The following SETD3 variants were observed in gnomAD, a reference collection of about 807,000 sequenced individuals.
The protein encoded by SETD3 is actin-histidine N-methyltransferase.
In SETD3, 19 loss-of-function variants were observed where a neutral mutation model predicts 63.0. The observed-to-expected ratio is 0.30, with a 90% confidence interval of 0.21 to 0.44. SETD3 has a LOEUF of 0.44. Ranked by LOEUF, SETD3 falls within the 20% of genes least tolerant of loss-of-function variation. SETD3 has a pLI of 1.00. For missense variants in SETD3, 587 were observed against 728.5 expected (o/e 0.81, Z 2.24); for synonymous variants, 286 against 264.1 (o/e 1.08, Z -0.80).
At chr14:99,403,455 ACTCTCTCTCTCTCTCT>A (rs55804663) in intron 11 of SETD3, among the ~76,000 whole-genome samples, 4 of 135,540 alleles carry the variant, frequency 3.0e-5, no homozygotes, top group South Asian at 4.7e-4. Context: ...ACACACACAC[ACTCTCTCTCTCTCTCT>A]CTCTCTCTCT....
intron 11 of SETD3, among the ~76,000 whole-genome samples, chr14:99,403,713 CTGTT>C (rs1160114278): frequency 6.6e-6 from 1 of 152,206 alleles, no homozygotes; most frequent in African/African-American, 2.4e-5. Context: ...TACACAGATT[CTGTT>C]TGCAATGTTA....
upstream of SETD3, among the ~76,000 whole-genome samples, chr14:99,482,978 C>A (rs556652973): frequency 6.6e-6 from 1 of 152,266 alleles, no homozygotes; most frequent in East Asian, 1.9e-4. Context: ...ACAGAGTGAT[C>A]ATATTTTTAA....
At chr14:99,403,077 G>A (rs1235436102) in intron 11 of SETD3, among the ~76,000 whole-genome samples, 4 of 152,160 alleles carry the variant, frequency 2.6e-5, no homozygotes, top group Admixed American at 6.5e-5. Flanking sequence ...TAAATCTAGC[G>A]ACAGGGTTGC....
intron 8 of SETD3, among the ~76,000 whole-genome samples, chr14:99,406,968 G>C (rs778326639): frequency 6.6e-6 from 1 of 152,154 alleles, no homozygotes; most frequent in South Asian, 2.1e-4. Context: ...GTTCACTGAC[G>C]ATCTGCACTA....
chr14:99,467,333 G>A (rs528792987), intron 1 of SETD3, among the ~76,000 whole-genome samples: 3 of 152,246 alleles, frequency 2.0e-5, no homozygotes, highest in South Asian at 4.2e-4. Flanking sequence ...AGTGAGGGGA[G>A]GGCAGGATGA....
chr14:99,403,453 A>ACTCTCT (rs1188702914), intron 11 of SETD3, among the ~76,000 whole-genome samples: 240 of 106,136 alleles, frequency 2.3e-3, no homozygotes, highest in East Asian at 6.8e-3. Flanking sequence ...ACACACACAC[A>ACTCTCT]CACTCTCTCT....
Position 99,463,556 on chromosome 14 carries a change from G to A in SETD3, c.126C>T (p.Gly42=), listed in dbSNP as rs142542243. 7.1e-5 allele frequency: 114 copies of A among 1,613,744 alleles called. No individual in the cohort carries two copies. Among genetic ancestry groups the A allele is most frequent in the Non-Finnish European group, 9.3e-5 (110 of 1,179,914 alleles). The change falls in exon 3 of 13, where the codon GGC becomes GGT. Residue 42 remains glycine (G), a synonymous_variant. Transcript: ENST00000331768. The stretch of plus-strand genomic sequence containing the variant: ...CATACTCTTCCCACTCTTTTCCTGG[G>A]CCAGGCGCCGGACTGCTGCATTCTG... ...LLQKCSSPAP[G]PGKEWEEYVQ...
intron 6 of SETD3, among the ~76,000 whole-genome samples, chr14:99,455,718 A>G (rs988872666): frequency 2.0e-5 from 3 of 152,232 alleles, no homozygotes; most frequent in African/African-American, 7.2e-5. Context: ...TGTTCTGTAT[A>G]TAAATACAAA....
At chr14:99,413,830 T>A in intron 7 of SETD3, 46 bp downstream of exon 7, 1 of 1,595,836 alleles carries the variant, frequency 6.3e-7, no homozygotes, top group Non-Finnish European at 8.6e-7. Flanking sequence ...CCACTTCACT[T>A]AGAAACCACC....
At chr14:99,452,382 G>C (rs1296023513) in intron 6 of SETD3, among the ~76,000 whole-genome samples, 2 of 152,214 alleles carry the variant, frequency 1.3e-5, no homozygotes, top group African/African-American at 4.8e-5. Context: ...TGGGATTACA[G>C]GCGTGAGCCA....
At chr14:99,446,410 C>G (rs1894131775) in intron 6 of SETD3, among the ~76,000 whole-genome samples, 1 of 152,164 alleles carries the variant, frequency 6.6e-6, no homozygotes, top group Admixed American at 6.5e-5. Flanking sequence ...TTTCAGACAC[C>G]TCCTTATATA....
chr14:99,483,004 A>T (rs932889615), upstream of SETD3, among the ~76,000 whole-genome samples: 1 of 152,254 alleles, frequency 6.6e-6, no homozygotes, highest in Non-Finnish European at 1.5e-5. Flanking sequence ...GGTAAATTGT[A>T]TACCAGAGTA....
chr14:99,453,873 C>A (rs2139759751), intron 6 of SETD3, among the ~76,000 whole-genome samples: 1 of 152,082 alleles, frequency 6.6e-6, no homozygotes, highest in East Asian at 1.9e-4. Flanking sequence ...ATGTAATGAT[C>A]CCTTCACAGC....
intron 6 of SETD3, among the ~76,000 whole-genome samples, chr14:99,440,005 C>T (rs1407105479): frequency 1.3e-5 from 2 of 151,692 alleles, no homozygotes; most frequent in Non-Finnish European, 2.9e-5. Context: ...GTTGGGGTTT[C>T]ACCATGTTAC....
chr14:99,461,647 A>G (rs191969168), intron 3 of SETD3, among the ~76,000 whole-genome samples: 1 of 152,370 alleles, frequency 6.6e-6, no homozygotes, highest in East Asian at 1.9e-4. Context: ...TTCTATTACC[A>G]CTACTATGAT....
At chr14:99,412,013 TA>T (rs1892020599) in intron 8 of SETD3, 2 of 152,214 alleles carry the variant, frequency 1.3e-5, no homozygotes, top group Non-Finnish European at 2.9e-5. Flanking sequence ...CAATGTGAAA[TA>T]ATCATTCACG....
chr14:99,434,909 T>C (rs1425523524), intron 6 of SETD3, among the ~76,000 whole-genome samples: 1 of 147,722 alleles, frequency 6.8e-6, no homozygotes, highest in Non-Finnish European at 1.5e-5. Context: ...TATTTCATTA[T>C]GTACAAGTTA....
At chr14:99,425,228 C>T (rs182478241) in intron 6 of SETD3, among the ~76,000 whole-genome samples, 54 of 152,344 alleles carry the variant, frequency 3.5e-4, no homozygotes, top group African/African-American at 1.3e-3. Context: ...GTCCTACCCT[C>T]TACAAGATGG....
intron 1 of SETD3, among the ~76,000 whole-genome samples, chr14:99,474,229 G>A (rs1302929441): frequency 1.3e-5 from 2 of 152,226 alleles, no homozygotes; most frequent in African/African-American, 2.4e-5. Context: ...GGAGGCTGAT[G>A]TAGGAGAAAT....
Sources: allele counts gnomAD v4.1 joint callset (sites outside exome capture counted in the v4.1 genomes callset), GRCh38; gene constraint gnomAD v4.1.1; transcripts MANE v1.5; gene names NCBI Gene and HGNC (gene_info 2026-07-23, HGNC 2026-07-21).